The following CDK5RAP2 variants were observed in gnomAD, a reference collection of about 807,000 sequenced individuals.
The protein encoded by CDK5RAP2 is CDK5 regulatory subunit-associated protein 2.
Under a neutral mutation model 232.9 loss-of-function variants are expected in CDK5RAP2, and 147 were observed. That is an observed-to-expected ratio of 0.63 (90% CI 0.55 to 0.72). The LOEUF (loss-of-function observed/expected upper bound fraction) is 0.72. CDK5RAP2 is among the 30% of genes least tolerant of loss of function. The probability of loss-of-function intolerance (pLI) is 0.00; values close to 1 mark genes in which losing one functional copy is unlikely to be tolerated. For synonymous variants in CDK5RAP2, 833 were observed against 833.7 expected (o/e 1.00, Z 0.01); for missense variants, 2,195 against 2,231.5 (o/e 0.98, Z 0.33).
In CDK5RAP2 at chr9:120,447,987, A is replaced by C; in HGVS notation, c.2933T>G (p.Phe978Cys). ...ILELQGELKE[F>C]KTCNKQLHQK... The stretch of plus-strand genomic sequence containing the variant: ...GTGAAGTTGCTTATTACAAGTTTTA[A>C]ACTCCTTCAGCTCCCCCTGCAGCTC... Residue 978 changes from phenylalanine to cysteine, a missense_variant, in exon 22 of 38, where the codon TTT becomes TGT. Phe to Cys is a radical substitution (Grantham distance 205). Coordinates refer to ENST00000349780, the MANE Select transcript of CDK5RAP2 (RefSeq NM_018249.6). The C allele has an allele frequency of 6.2e-7, 1 of 1,614,058 alleles. No homozygotes were observed. Among genetic ancestry groups the C allele is most frequent in the Non-Finnish European group, 8.5e-7 (1 of 1,180,016 alleles).
intron 1 of CDK5RAP2, among the ~76,000 whole-genome samples, chr9:120,578,511 A>T (rs2132253073): frequency 6.6e-6 from 1 of 152,206 alleles, no homozygotes; most frequent in Middle Eastern, 3.4e-3. Context: ...AGGTTTACCC[A>T]AGATAGGCCC....
intron 1 of CDK5RAP2, among the ~76,000 whole-genome samples, chr9:120,575,256 T>C (rs1355923925): frequency 1.3e-5 from 2 of 152,078 alleles, no homozygotes; most frequent in Non-Finnish European, 2.9e-5. Flanking sequence ...ATTCACCACG[T>C]TGGCCAGGCT....
At chr9:120,520,405 G>A (rs1451002883) in intron 11 of CDK5RAP2, among the ~76,000 whole-genome samples, 1 of 152,196 alleles carries the variant, frequency 6.6e-6, no homozygotes, top group African/African-American at 2.4e-5. Context: ...ACTTTGGGAG[G>A]CTGAAGTGGG....
intron 35 of CDK5RAP2, among the ~76,000 whole-genome samples, chr9:120,397,011 T>C (rs2032523672): frequency 6.6e-6 from 1 of 152,050 alleles, no homozygotes; most frequent in Non-Finnish European, 1.5e-5. Flanking sequence ...CCGCAAGGGA[T>C]CAAATGAGAT....
At chr9:120,571,666 C>A (rs946945372) in intron 2 of CDK5RAP2, 23 of 385,500 alleles carry the variant, frequency 6.0e-5, no homozygotes, top group Admixed American at 3.3e-4. Flanking sequence ...ACTGGCCTAG[C>A]TGCCAATTCA....
chr9:120,563,307 G>A (rs1253051412), intron 3 of CDK5RAP2, among the ~76,000 whole-genome samples: 2 of 152,174 alleles, frequency 1.3e-5, no homozygotes, highest in African/African-American at 4.8e-5. Context: ...ACGACGGGGA[G>A]AGGAATATGC....
At position 120,400,793 on chromosome 9, in the gene CDK5RAP2, G is replaced by A; in HGVS notation, c.5400C>T (p.Leu1800=). The part of the protein sequence containing the change: ...LEEAYRRLKL[L]WRVSLPEDGQ... ...CATCCTCGGGGAGTGAGACTCTCCAGAGAAGCTTCAGCCGCCTGTAGGCCT... is the reference window on the plus strand; with the variant it reads ...CATCCTCGGGGAGTGAGACTCTCCAAAGAAGCTTCAGCCGCCTGTAGGCCT... The change falls in exon 35 of 38, where the codon CTC becomes CTT. Residue 1800 remains leucine (L), a synonymous_variant. Coordinates refer to ENST00000349780, the MANE Select transcript of CDK5RAP2 (RefSeq NM_018249.6). 2 of 1,614,196 alleles carry A rather than the reference G, an allele frequency of 1.2e-6. No individual in the cohort carries two copies. The highest frequency in any genetic ancestry group is 1.1e-5 in the South Asian group (1 of 91,086).
chr9:120,433,385 C>G (rs531784444), intron 25 of CDK5RAP2, among the ~76,000 whole-genome samples: 1 of 152,338 alleles, frequency 6.6e-6, no homozygotes, highest in East Asian at 1.9e-4. Context: ...GAACCATGCA[C>G]CCAGCACTGA....
chr9:120,533,198 C>T (rs2041231707), intron 7 of CDK5RAP2, among the ~76,000 whole-genome samples: 1 of 152,120 alleles, frequency 6.6e-6, no homozygotes, highest in Non-Finnish European at 1.5e-5. Flanking sequence ...AACATCTATC[C>T]CCTCCCACAC....
chr9:120,549,849 G>A (rs749903329), intron 4 of CDK5RAP2, among the ~76,000 whole-genome samples: 3 of 152,162 alleles, frequency 2.0e-5, no homozygotes, highest in Admixed American at 6.5e-5. Context: ...CACTCCCAGA[G>A]TGAAGAAAAA....
intron 12 of CDK5RAP2, among the ~76,000 whole-genome samples, chr9:120,499,244 A>C (rs1304691876): frequency 6.6e-6 from 1 of 152,198 alleles, no homozygotes; most frequent in Non-Finnish European, 1.5e-5. Context: ...AGTGTTGAAA[A>C]GGAGGGAGTG....
In CDK5RAP2 at chr9:120,416,358, C is replaced by A. The variant is rs969860429; in HGVS notation, c.4178-1199G>T. Among the ~76,000 whole-genome samples the A allele has an allele frequency of 3.3e-5, 5 of 152,140 alleles. No homozygotes were observed. In the East Asian group the frequency reaches 7.7e-4, roughly 23 times the overall value. ...AATTTGCTAGACCAGCTCAAAAACT[C>A]AGGGAAACATTTGCTTATGTTTACT... is the stretch of plus-strand genomic sequence containing the variant. On this transcript the variant is annotated intron_variant, in intron 27 of 37. Transcript: ENST00000349780.
chr9:120,389,137 C>T lies in CDK5RAP2; in HGVS notation c.*99G>A. ...AAAAAATAGATTTCCTTTGGCCAGACAGCTCTTTCTTCCTCAATAAATAGG... is the reference window on the plus strand; with the variant it reads ...AAAAAATAGATTTCCTTTGGCCAGATAGCTCTTTCTTCCTCAATAAATAGG... On this transcript the variant is annotated 3_prime_UTR_variant, in exon 38 of 38. Coordinates refer to ENST00000349780, the MANE Select transcript of CDK5RAP2 (RefSeq NM_018249.6). 1.0e-6 allele frequency: 1 copy of T among 1,004,364 alleles called. No homozygotes were observed. Among genetic ancestry groups the T allele is most frequent in the Non-Finnish European group, 1.5e-6 (1 of 652,874 alleles). The allele number at this position is 1,004,364 out of a possible 1,614,324, so 62.2% of individuals were successfully genotyped here.
chr9:120,559,037 T>G (rs1228202965), intron 3 of CDK5RAP2, among the ~76,000 whole-genome samples: 2 of 152,202 alleles, frequency 1.3e-5, no homozygotes, highest in South Asian at 4.1e-4. Context: ...CAGACCACTT[T>G]ACTAGCTGTA....
chr9:120,504,651 A>G (rs2039725470), intron 12 of CDK5RAP2, among the ~76,000 whole-genome samples: 1 of 152,110 alleles, frequency 6.6e-6, no homozygotes, highest in South Asian at 2.1e-4. Context: ...GGCATCCTTC[A>G]TTGACTCCAA....
intron 7 of CDK5RAP2, among the ~76,000 whole-genome samples, chr9:120,532,716 C>A (rs558807150): frequency 6.6e-6 from 1 of 152,158 alleles, no homozygotes; most frequent in Non-Finnish European, 1.5e-5. Flanking sequence ...TCTGGGAGTG[C>A]GCCTGGGACA....
chr9:120,481,161 G>A (rs1244451076), intron 14 of CDK5RAP2, among the ~76,000 whole-genome samples: 1 of 152,204 alleles, frequency 6.6e-6, no homozygotes, highest in East Asian at 1.9e-4. Context: ...CCCCATTTTA[G>A]AGATGAGGAA....
intron 23 of CDK5RAP2, among the ~76,000 whole-genome samples, chr9:120,443,381 CT>C (rs1164377180): frequency 6.6e-6 from 1 of 152,210 alleles, no homozygotes; most frequent in African/African-American, 2.4e-5. Flanking sequence ...GAGAAGCATG[CT>C]GACACATGGA....
rs2036334928 is a variant in CDK5RAP2, at chr9:120,448,781, C to T, written c.2794-655G>A. 2.0e-5 allele frequency among the ~76,000 whole-genome samples: 3 copies of T among 152,274 alleles called. 1 individual carries two copies. The South Asian group carries it at 6.2e-4, about 32-fold the overall frequency. ...ATTTTTAAGTTTCCCTTTATTCTTG[C>T]CACCCACTTTCACTACTCATCAGGG... is the stretch of plus-strand genomic sequence containing the variant. On this transcript the variant is annotated intron_variant, in intron 21 of 37. Transcript: ENST00000349780.
Sources: gnomAD v4.1 joint callset for allele counts (sites outside exome capture counted in the v4.1 genomes callset) on GRCh38, gnomAD v4.1.1 for gene constraint, MANE v1.5 for transcripts, NCBI Gene and HGNC (gene_info 2026-07-23, HGNC 2026-07-21) for gene names.